Variants in NUP50 observed in about 807,000 individuals in gnomAD.
NUP50 encodes nucleoporin 50, also known as nuclear pore complex protein Nup50.
A neutral mutation model predicts 36.8 loss-of-function variants in NUP50; 14 were observed. The ratio of observed to expected loss-of-function variants is 0.38; its 90% confidence interval spans 0.25 to 0.59. NUP50 has a LOEUF of 0.59. Among genes scored for constraint, NUP50 ranks in the 20% least tolerant of loss-of-function variants. The probability of loss-of-function intolerance (pLI) is 0.63; values close to 1 mark genes in which losing one functional copy is unlikely to be tolerated. For missense variants in NUP50, 455 were observed against 564.6 expected (o/e 0.81, Z 1.97); for synonymous variants, 195 against 210.8 (o/e 0.93, Z 0.65).
rs1374920548 is a variant in NUP50, at chr22:45,168,228, A to C, written c.51A>C (p.Gln17His). The stretch of plus-strand genomic sequence containing the variant: ...AACTGACAGATAGGAATTGGGATCA[A>C]GAAGATGAAGCTGAAGAGGTAAAAA... ...EKELTDRNWDQEDEAEEVGTF... is the reference protein window; with the variant it reads ...EKELTDRNWDHEDEAEEVGTF... The change falls in exon 2 of 8, where the codon CAA becomes CAC. Residue 17 changes from glutamine (Q) to histidine (H), a missense_variant. Transcript: ENST00000347635. 4.3e-6 allele frequency: 7 copies of C among 1,611,132 alleles called. No individual in the cohort carries two copies. The highest frequency in any genetic ancestry group is 5.9e-6 in the Non-Finnish European group (7 of 1,179,172).
At position 45,184,499 on chromosome 22, in the gene NUP50, G is replaced by A. The variant is rs758740284; in HGVS notation, c.1251G>A (p.Thr417=). The change falls in exon 8 of 8, where the codon ACG becomes ACA. Residue 417 remains threonine (T), a synonymous_variant. Coordinates refer to ENST00000347635, the MANE Select transcript of NUP50 (RefSeq NM_007172.4). ...TGATTCCACCCAATATGCCATGTAC[G>A]CGAACAGGGAAGAATAACGTTCTTA... The part of the protein sequence containing the change: ...NVLIPPNMPC[T]RTGKNNVLIV... 8.1e-6 allele frequency: 13 copies of A among 1,613,844 alleles called. No homozygotes were observed. Among genetic ancestry groups the A allele is most frequent in the Middle Eastern group, 1.7e-4 (1 of 6,056 alleles).
Position 45,177,525 on chromosome 22 carries a change from C to T in NUP50, c.341-713C>T, listed in dbSNP as rs9615053. ...TGTAGAACCTGCAGGTACAGAGGGG[C>T]GACTGTACTTTAATACTGTTCATCC... On this transcript the variant is annotated intron_variant, in intron 4 of 7. Transcript: ENST00000347635. Among the ~76,000 whole-genome samples the T allele has an allele frequency of 5.9e-5, 9 of 151,796 alleles. No individual in the cohort carries two copies. In the South Asian group the frequency reaches 1.0e-3, roughly 18 times the overall value.
At position 45,174,053 on chromosome 22, in the gene NUP50, G is replaced by T. The variant is rs537714367; in HGVS notation, c.154-1841G>T. On this transcript the variant is annotated intron_variant, in intron 3 of 7. Transcript: ENST00000347635. ...AAAGACCAAAATCATCTTGCCCTATGGAAGAGAACAAATACATAGTATTAA... is the reference window on the plus strand; with the variant it reads ...AAAGACCAAAATCATCTTGCCCTATTGAAGAGAACAAATACATAGTATTAA... Among the ~76,000 whole-genome samples the T allele has an allele frequency of 4.5e-4, 69 of 152,298 alleles. 1 individual carries two copies. Among genetic ancestry groups the T allele is most frequent in the South Asian group, 1.7e-3 (8 of 4,826 alleles).
intron 5 of NUP50, among the ~76,000 whole-genome samples, chr22:45,180,621 TC>T (rs1010015995): frequency 7.9e-5 from 12 of 152,182 alleles, no homozygotes; most frequent in African/African-American, 2.9e-4. Flanking sequence ...CAAGCGATCT[TC>T]CTGCCTTGGC....
chr22:45,171,053 G>A (rs1246483428), intron 2 of NUP50: 3 of 1,303,910 alleles, frequency 2.3e-6, no homozygotes, highest in South Asian at 1.2e-5. Flanking sequence ...GACATCAGAA[G>A]TGTGGACATG....
At chr22:45,177,333 A>G (rs921960388) in intron 4 of NUP50, among the ~76,000 whole-genome samples, 5 of 152,232 alleles carry the variant, frequency 3.3e-5, no homozygotes, top group Non-Finnish European at 4.4e-5. Flanking sequence ...GGTACACACC[A>G]CCACACTCAG....
intron 2 of NUP50, chr22:45,171,144 G>T: frequency 8.2e-7 from 1 of 1,219,558 alleles, no homozygotes. Context: ...CGTACAGTGG[G>T]CAAGTTGGGC....
At chr22:45,178,989 T>A in intron 5 of NUP50, 89 bp downstream of exon 5, 3 of 1,254,892 alleles carry the variant, frequency 2.4e-6, no homozygotes, top group East Asian at 2.4e-5. Context: ...AATATGAGTC[T>A]GGATTCACAT....
chr22:45,184,066 T>A lies in NUP50; in HGVS notation c.1205-387T>A, dbSNP rs2074427992. 1.3e-5 allele frequency: 3 copies of A among 238,554 alleles called. No individual in the cohort carries two copies. The South Asian group carries it at 1.8e-4, about 14-fold the overall frequency. The allele number at this position is 238,554 out of a possible 1,614,324, so 14.8% of individuals were successfully genotyped here. On this transcript the variant is annotated intron_variant, in intron 7 of 7. Coordinates refer to ENST00000347635, the MANE Select transcript of NUP50 (RefSeq NM_007172.4). ...CGTGTCACTTTTGCCCAGGGAGCTGTGCCGGCCTGTGACAGAGGTGTCCTT... is the reference window on the plus strand; with the variant it reads ...CGTGTCACTTTTGCCCAGGGAGCTGAGCCGGCCTGTGACAGAGGTGTCCTT...
At position 45,171,676 on chromosome 22, in the gene NUP50, G is replaced by T. The variant is rs1323609402; in HGVS notation, c.146G>T (p.Gly49Val). Reference sequence around the variant, plus strand: ...AAGAAAGCAAAGCGCAGAAATGTTGGATTTGAAGTGAGTGCCCCCTTACAG... The same window carrying T: ...AAGAAAGCAAAGCGCAGAAATGTTGTATTTGAAGTGAGTGCCCCCTTACAG... ...AIKKAKRRNVGFESDTGGAFK... is the reference protein window; with the variant it reads ...AIKKAKRRNVVFESDTGGAFK... Residue 49 changes from glycine (G) to valine (V), a missense_variant, in exon 3 of 8, where the codon GGA (glycine) becomes GTA (valine). Physicochemically the swap from Gly to Val is moderately radical, Grantham distance 109. Around this residue, in one of 3 missense-constraint regions of NUP50, gnomAD observed 166 missense variants for 202.8 expected, o/e 0.82. Transcript: ENST00000347635. 33 of 1,613,872 alleles carry T rather than the reference G, an allele frequency of 2.0e-5. No individual in the cohort carries two copies. The highest frequency in any genetic ancestry group is 2.5e-5 in the Non-Finnish European group (30 of 1,179,760).
At chr22:45,181,758 ATC>A (rs926576550) in intron 6 of NUP50, among the ~76,000 whole-genome samples, 42 of 152,246 alleles carry the variant, frequency 2.8e-4, no homozygotes, top group African/African-American at 8.9e-4. Context: ...CTCAGAAGGC[ATC>A]TCTCATCCCT....
intron 4 of NUP50, 37 bp from the exon 5 acceptor site, chr22:45,178,201 A>T: frequency 2.6e-6 from 4 of 1,563,914 alleles, no homozygotes; most frequent in Non-Finnish European, 3.5e-6. Context: ...TAATCAAATT[A>T]GGCTAAATAA....
At chr22:45,167,490 C>G (rs2074113384) in intron 1 of NUP50, among the ~76,000 whole-genome samples, 1 of 152,168 alleles carries the variant, frequency 6.6e-6, no homozygotes, top group African/African-American at 2.4e-5. Flanking sequence ...CTAATGCCAT[C>G]GTATTGAAGA....
chr22:45,165,324 C>T (rs896352972), intron 1 of NUP50, among the ~76,000 whole-genome samples: 1 of 152,222 alleles, frequency 6.6e-6, no homozygotes, highest in Non-Finnish European at 1.5e-5. Flanking sequence ...TAGCCTGAAG[C>T]TCCTGGGCTC....
Position 45,176,057 on chromosome 22 carries a change from C to T in NUP50, c.317C>T (p.Ala106Val), listed in dbSNP as rs756395868. 72 of 1,613,780 alleles carry T rather than the reference C, an allele frequency of 4.5e-5. No individual in the cohort carries two copies. Among genetic ancestry groups the T allele is most frequent in the Non-Finnish European group, 5.9e-5 (70 of 1,179,830 alleles). Reference sequence around the variant, plus strand: ...CCTCCCTTCGCCAGTGCAAAGGCAGCGGCAGATCCCAAGGTAGCCTTTGGT... The same window carrying T: ...CCTCCCTTCGCCAGTGCAAAGGCAGTGGCAGATCCCAAGGTAGCCTTTGGT... ...SAPPFASAKA[A>V]ADPKVAFGSL... The change falls in exon 4 of 8, where the codon GCG becomes GTG. Residue 106 changes from alanine to valine, a missense_variant. By Grantham distance (64) the Ala-to-Val change is moderately conservative. Around this residue, in one of 3 missense-constraint regions of NUP50, gnomAD observed 166 missense variants for 202.8 expected, o/e 0.82. Coordinates refer to ENST00000347635, the MANE Select transcript of NUP50 (RefSeq NM_007172.4).
intron 6 of NUP50, 100 bp downstream of exon 6, chr22:45,181,467 C>A: frequency 4.6e-6 from 3 of 647,728 alleles, no homozygotes; most frequent in South Asian, 2.3e-5. Flanking sequence ...AGCTTCCAGT[C>A]TCGGGGTCAA....
In NUP50 at chr22:45,164,062, G is replaced by C. The variant is rs898539627; in HGVS notation, c.-245G>C. The C allele has an allele frequency of 2.4e-4, 36 of 152,434 alleles. No individual in the cohort carries two copies. The highest frequency in any genetic ancestry group is 7.7e-4 in the African/African-American group (32 of 41,586). 9.4% of individuals were successfully genotyped at this position (152,434 alleles called of 1,614,324 possible). On this transcript the variant is annotated 5_prime_UTR_variant, in exon 1 of 8. The change abolishes the stop of an existing upstream ORF in the 5' untranslated region. Transcript: ENST00000347635. ...GCGGTTCCCCCAGCTGTCTCTGGCT[G>C]AACCGGCGCTCTCGCCTCCCTGCCG...
At chr22:45,170,976 C>G in intron 2 of NUP50, 1 of 1,303,286 alleles carries the variant, frequency 7.7e-7, no homozygotes. Context: ...ATATTTTATT[C>G]CGACCCTACA....
intron 3 of NUP50, among the ~76,000 whole-genome samples, chr22:45,174,224 G>C (rs132887): frequency 0.73 from 109,840 of 149,962 alleles, 40,930 homozygotes; most frequent in East Asian, 0.99. Flanking sequence ...GTCGCCCAGG[G>C]TGGAGTGCGG....
Sources: allele counts gnomAD v4.1 joint callset (sites outside exome capture counted in the v4.1 genomes callset), GRCh38; gene constraint gnomAD v4.1.1; regional missense constraint gnomAD v4.1.1; transcripts MANE v1.5; gene names NCBI Gene and HGNC (gene_info 2026-07-23, HGNC 2026-07-21).